EBF1: variants seen among roughly 807,000 people sequenced by gnomAD.
The protein encoded by EBF1 is transcription factor COE1.
EBF1 carries 10 observed loss-of-function variants against 68.4 expected under a neutral mutation model. The observed-to-expected ratio is 0.15, with a 90% CI of 0.09 to 0.25. The LOEUF (loss-of-function observed/expected upper bound fraction) is 0.25, where lower values mean the gene tolerates loss of function less well. EBF1 is among the 10% of genes least tolerant of loss of function. The pLI, the probability that EBF1 is intolerant of heterozygous loss-of-function variation, is 1.00. For synonymous variants in EBF1, 298 were observed against 299.8 expected (o/e 0.99, Z 0.06); for missense variants, 509 against 794.4 (o/e 0.64, Z 4.32).
intron 7 of EBF1, among the ~76,000 whole-genome samples, chr5:158,830,391 C>T (rs537676972): frequency 1.6e-4 from 24 of 152,182 alleles, no homozygotes; most frequent in Non-Finnish European, 2.1e-4. Flanking sequence ...CTGCCTCAGC[C>T]TCCTGACTAG....
chr5:158,936,556 G>C (rs1403276828), intron 6 of EBF1, among the ~76,000 whole-genome samples: 1 of 152,176 alleles, frequency 6.6e-6, no homozygotes, highest in African/African-American at 2.4e-5. Flanking sequence ...GGCTTCGTAG[G>C]CTTACCCAGA....
chr5:158,800,852 A>G (rs1015744732), intron 8 of EBF1, among the ~76,000 whole-genome samples: 1 of 152,164 alleles, frequency 6.6e-6, no homozygotes, highest in Non-Finnish European at 1.5e-5. Flanking sequence ...TAATCAATAC[A>G]AGTCTATCTC....
intron 6 of EBF1, among the ~76,000 whole-genome samples, chr5:158,872,853 TTACAATA>T: frequency 6.6e-6 from 1 of 152,166 alleles, no homozygotes; most frequent in Non-Finnish European, 1.5e-5. Context: ...TGCTAAGCTG[TTACAATA>T]TGCCAGGCAC....
intron 6 of EBF1, among the ~76,000 whole-genome samples, chr5:159,070,039 T>C (rs1777535559): frequency 6.6e-6 from 1 of 152,188 alleles, no homozygotes; most frequent in African/African-American, 2.4e-5. Flanking sequence ...TTTTTTGCTT[T>C]TTACTTTAAC....
At chr5:158,699,170 G>A in intron 15 of EBF1, 28 bp from the exon 16 acceptor site, 4 of 1,583,556 alleles carry the variant, frequency 2.5e-6, no homozygotes, top group Non-Finnish European at 1.7e-6. Context: ...GAAGTCAATG[G>A]TTTCTTTGCG....
rs1255482316 is a variant in EBF1 at position 158,776,365 on chromosome 5, T to C, written c.1036+1048A>G. 1.8e-4 allele frequency among the ~76,000 whole-genome samples: 28 copies of C among 152,116 alleles called. 1 individual carries two copies. Among genetic ancestry groups the C allele is most frequent in the Admixed American group, 1.8e-3 (28 of 15,264 alleles). Reference sequence around the variant, plus strand: ...GACTAAGAAGTATGTTTGGTTTTACTTCTAATATTGAAATACAAGGGAAAG... The same window carrying C: ...GACTAAGAAGTATGTTTGGTTTTACCTCTAATATTGAAATACAAGGGAAAG... On this transcript the variant is annotated intron_variant, in intron 10 of 15. Transcript: ENST00000313708.
intron 7 of EBF1, among the ~76,000 whole-genome samples, chr5:158,825,507 A>G (rs973361715): frequency 2.6e-5 from 4 of 152,016 alleles, no homozygotes; most frequent in Non-Finnish European, 4.4e-5. Context: ...AAAAAAAACA[A>G]TGACAATTCA....
At chr5:158,962,836 G>A (rs749009846) in intron 6 of EBF1, among the ~76,000 whole-genome samples, 4 of 152,132 alleles carry the variant, frequency 2.6e-5, no homozygotes, top group Non-Finnish European at 4.4e-5. Flanking sequence ...ATCAGATCGT[G>A]GGTAAGTTTC....
intron 6 of EBF1, among the ~76,000 whole-genome samples, chr5:158,850,265 AT>A (rs757324241): frequency 2.0e-5 from 3 of 152,142 alleles, no homozygotes; most frequent in Admixed American, 6.5e-5. Flanking sequence ...ACTCTTAATG[AT>A]TTACTATTTC....
intron 6 of EBF1, among the ~76,000 whole-genome samples, chr5:158,911,462 T>G (rs968055635): frequency 1.3e-5 from 2 of 151,764 alleles, no homozygotes; most frequent in Non-Finnish European, 2.9e-5. Flanking sequence ...ATAGAGGGGT[T>G]TTTTTTTAGT....
rs1780143009 is a variant in EBF1 at position 159,083,835 on chromosome 5, C to T, written c.485+831G>A. ...GCACAGTGGCATCTTCATGCTTTAT[C>T]CAATTATTCAGAATATATTGGGAGC... On this transcript the variant is annotated intron_variant, in intron 5 of 15. Coordinates refer to ENST00000313708, the MANE Select transcript of EBF1 (RefSeq NM_024007.5). Among the ~76,000 whole-genome samples, 3 of 152,366 alleles carry T rather than the reference C, an allele frequency of 2.0e-5. No individual in the cohort carries two copies. In the South Asian group the frequency reaches 6.2e-4, roughly 32 times the overall value.
At chr5:158,773,919 C>T (rs971400442) in intron 10 of EBF1, among the ~76,000 whole-genome samples, 5 of 152,168 alleles carry the variant, frequency 3.3e-5, no homozygotes, top group African/African-American at 1.2e-4. Flanking sequence ...TTAATTCCCA[C>T]TGGACTGACC....
intron 6 of EBF1, among the ~76,000 whole-genome samples, chr5:158,901,360 C>T (rs1332146699): frequency 6.6e-6 from 1 of 152,168 alleles, no homozygotes; most frequent in African/African-American, 2.4e-5. Flanking sequence ...ATTTGTCTGC[C>T]TTCTCTGGGC....
intron 6 of EBF1, among the ~76,000 whole-genome samples, chr5:159,036,566 A>T (rs1259571123): frequency 8.2e-6 from 1 of 121,408 alleles, no homozygotes; most frequent in African/African-American, 3.4e-5. Context: ...AGGATTCCCT[A>T]TTTAATAAAT....
At chr5:158,705,414 A>T (rs775660034) in intron 15 of EBF1, among the ~76,000 whole-genome samples, 7 of 152,246 alleles carry the variant, frequency 4.6e-5, no homozygotes, top group Non-Finnish European at 8.8e-5. Context: ...ATCCAGCACA[A>T]GGTGTGTCCC....
chr5:158,701,565 T>G (rs1406667684), intron 15 of EBF1, among the ~76,000 whole-genome samples: 1 of 152,130 alleles, frequency 6.6e-6, no homozygotes, highest in Admixed American at 6.5e-5. Flanking sequence ...CGAACAGCAG[T>G]GAGTGAATCC....
chr5:158,942,755 G>T (rs1813712603), intron 6 of EBF1, among the ~76,000 whole-genome samples: 1 of 151,766 alleles, frequency 6.6e-6, no homozygotes, highest in Admixed American at 6.6e-5. Context: ...ATCTAGAAAG[G>T]CTCTACAATG....
chr5:158,886,988 G>A (rs373081716), intron 6 of EBF1, among the ~76,000 whole-genome samples: 1 of 152,126 alleles, frequency 6.6e-6, no homozygotes, highest in Non-Finnish European at 1.5e-5. Flanking sequence ...GGCAACAAGA[G>A]AGAAACTCCA....
chr5:159,020,272 C>T (rs556011549), intron 6 of EBF1, among the ~76,000 whole-genome samples: 2 of 151,966 alleles, frequency 1.3e-5, no homozygotes, highest in Non-Finnish European at 2.9e-5. Flanking sequence ...GAATTCGGTG[C>T]AAAAAAATTT....
Sources: gnomAD v4.1 joint callset for allele counts (sites outside exome capture counted in the v4.1 genomes callset) on GRCh38, gnomAD v4.1.1 for gene constraint, MANE v1.5 for transcripts, NCBI Gene and HGNC (gene_info 2026-07-23, HGNC 2026-07-21) for gene names.